The following TMPRSS9 variants were observed in gnomAD, a reference collection of about 807,000 sequenced individuals.
The protein encoded by TMPRSS9 is transmembrane serine protease 9, also known as transmembrane protease serine 9.
TMPRSS9 carries 113 observed loss-of-function variants against 111.4 expected under a neutral mutation model. That is an observed-to-expected ratio of 1.01 (90% CI 0.87 to 1.19). The LOEUF (loss-of-function observed/expected upper bound fraction) is 1.19, where lower values mean the gene tolerates loss of function less well. Among genes scored for constraint, TMPRSS9 ranks in the 50% most tolerant of loss-of-function variants. The pLI is 0.00. For synonymous variants in TMPRSS9, 805 were observed against 659.1 expected, an observed-to-expected ratio of 1.22 and a Z score of -3.39; for missense variants, 1,803 against 1,513.1, an observed-to-expected ratio of 1.19 and a Z score of -3.18.
intron 1 of TMPRSS9, among the ~76,000 whole-genome samples, chr19:2,374,695 G>C (rs1055070762): frequency 2.0e-5 from 3 of 152,180 alleles, no homozygotes; most frequent in Admixed American, 2.0e-4. Flanking sequence ...GCTTGGAAGA[G>C]GTTCTTGGAG....
chr19:2,378,734 G>C (rs1970357892), intron 1 of TMPRSS9, among the ~76,000 whole-genome samples: 2 of 152,112 alleles, frequency 1.3e-5, no homozygotes, highest in Non-Finnish European at 2.9e-5. Context: ...AAACCTACCT[G>C]AGACTAGGTA....
At chr19:2,372,875 A>G (rs1461019421) in intron 1 of TMPRSS9, among the ~76,000 whole-genome samples, 1 of 152,182 alleles carries the variant, frequency 6.6e-6, no homozygotes, top group South Asian at 2.1e-4. Context: ...TCTATCACCC[A>G]TGCTGGAGTG....
chr19:2,418,052 A>G (rs143993870), exon 13 of TMPRSS9: 10 of 1,612,214 alleles, frequency 6.2e-6, no homozygotes, highest in Non-Finnish European at 8.5e-6. Flanking sequence ...CATAGACCAG[A>G]AAACCTGTAG....
upstream of TMPRSS9, among the ~76,000 whole-genome samples, chr19:2,387,967 C>T (rs949974065): frequency 3.9e-5 from 6 of 152,140 alleles, no homozygotes; most frequent in South Asian, 2.1e-4. Flanking sequence ...TGTCCAGAGC[C>T]GTAGCTGCAC....
At chr19:2,425,238 T>A in exon 16 of TMPRSS9, 10 of 1,420,644 alleles carry the variant, frequency 7.0e-6, no homozygotes, top group Non-Finnish European at 9.2e-6. Context: ...CGCTGCGTCA[T>A]CACCGGCTGG....
At chr19:2,391,566 ATG>A (rs1299996682) in intron 1 of TMPRSS9, among the ~76,000 whole-genome samples, 8 of 147,698 alleles carry the variant, frequency 5.4e-5, no homozygotes, top group Non-Finnish European at 1.2e-4. Flanking sequence ...TTGTGCATGC[ATG>A]TGTGTGTCTG....
chr19:2,393,846 C>T (rs927468575), intron 1 of TMPRSS9, among the ~76,000 whole-genome samples: 11 of 143,818 alleles, frequency 7.6e-5, no homozygotes, highest in South Asian at 2.2e-4. Flanking sequence ...TGCAGTGAGC[C>T]GAGATCATGC....
upstream of TMPRSS9, among the ~76,000 whole-genome samples, chr19:2,387,523 A>G (rs925762274): frequency 7.5e-6 from 1 of 133,112 alleles, no homozygotes; most frequent in Non-Finnish European, 1.5e-5. Context: ...AGGAAAGGAA[A>G]GGAAGGGAAG....
In TMPRSS9 at chr19:2,413,844, G is replaced by A. The variant is rs145593834; in HGVS notation, c.1399G>A (p.Glu467Lys). The A allele has an allele frequency of 3.7e-6, 6 of 1,613,634 alleles. No individual in the cohort carries two copies. In the African/African-American group the frequency reaches 8.0e-5, roughly 22 times the overall value. Residue 467 changes from glutamate (E) to lysine (K), a missense_variant, in exon 10 of 18, where the codon GAG (glutamate) becomes AAG (lysine). Physicochemically the swap from Glu to Lys is moderately conservative, Grantham distance 56 (BLOSUM62 1). Coordinates refer to ENST00000648592, the Ensembl canonical transcript of TMPRSS9. ...CACCAGGCTACGTGACTGGATCCTG[G>A]AGGCCACCACCAAAGCCAGCATGCC...
chr19:2,368,602 G>A (rs868730660), intron 1 of TMPRSS9, among the ~76,000 whole-genome samples: 9 of 151,950 alleles, frequency 5.9e-5, no homozygotes, highest in African/African-American at 2.2e-4. Flanking sequence ...GTTGAGAATA[G>A]ACCCAGGGAG....
At chr19:2,413,907 A>G (rs998304443) in exon 10 of TMPRSS9, 1 of 1,613,006 alleles carries the variant, frequency 6.2e-7, no homozygotes, top group African/African-American at 1.3e-5. Context: ...TGCCGCCCCC[A>G]GCACAGCCTG....
At chr19:2,392,554 A>G (rs1970619600) in intron 1 of TMPRSS9, among the ~76,000 whole-genome samples, 1 of 152,224 alleles carries the variant, frequency 6.6e-6, no homozygotes, top group Admixed American at 6.5e-5. Flanking sequence ...AAAAATGCAG[A>G]AAATTAGCCA....
chr19:2,391,923 G>A (rs1376663342), intron 1 of TMPRSS9, among the ~76,000 whole-genome samples: 3 of 151,904 alleles, frequency 2.0e-5, no homozygotes, highest in African/African-American at 7.3e-5. Context: ...TGTATTTTTA[G>A]TAGAGATAGG....
upstream of TMPRSS9, among the ~76,000 whole-genome samples, chr19:2,389,319 C>T (rs1970537939): frequency 6.6e-6 from 1 of 151,694 alleles, no homozygotes; most frequent in South Asian, 2.1e-4. Context: ...AAGTGATTCA[C>T]CCACCTTGGC....
chr19:2,365,933 C>T (rs938604010), intron 1 of TMPRSS9, among the ~76,000 whole-genome samples: 2 of 151,918 alleles, frequency 1.3e-5, no homozygotes, highest in African/African-American at 4.8e-5. Flanking sequence ...CACTGCACTC[C>T]AGCCTGGGTG....
At chr19:2,415,340 G>C (rs748713376) in intron 10 of TMPRSS9, among the ~76,000 whole-genome samples, 1 of 152,096 alleles carries the variant, frequency 6.6e-6, no homozygotes, top group Non-Finnish European at 1.5e-5. Context: ...GGGTCTCCTG[G>C]AGTGCAGCCC....
intron 16 of TMPRSS9, 37 bp from the exon 18 acceptor site, chr19:2,425,319 CG>C: frequency 1.6e-6 from 2 of 1,281,874 alleles, no homozygotes; most frequent in Non-Finnish European, 2.0e-6. Context: ...CGGCCGGACG[CG>C]GTCCCCACCC....
At chr19:2,379,175 C>CTTT (rs201078504) in intron 1 of TMPRSS9, among the ~76,000 whole-genome samples, 22 of 124,822 alleles carry the variant, frequency 1.8e-4, no homozygotes, top group Non-Finnish European at 2.6e-4. Flanking sequence ...GCCTGAGCTT[C>CTTT]TTTCTCTTTT....
At chr19:2,377,480 T>C (rs137915578) in intron 1 of TMPRSS9, among the ~76,000 whole-genome samples, 910 of 33,476 alleles carry the variant, frequency 0.027, 65 homozygotes, top group African/African-American at 0.16. Context: ...TCCCCTCTCC[T>C]CTCTCCCCCC....
Sources: gnomAD v4.1 joint callset for allele counts (sites outside exome capture counted in the v4.1 genomes callset) on GRCh38, gnomAD v4.1.1 for gene constraint, MANE v1.5 for transcripts, NCBI Gene and HGNC (gene_info 2026-07-23, HGNC 2026-07-21) for gene names.